Variants in L3MBTL2 observed in about 807,000 individuals in gnomAD.
L3MBTL2 encodes the protein L3MBTL histone methyl-lysine binding protein 2, also known as lethal(3)malignant brain tumor-like protein 2.
L3MBTL2 carries 49 observed loss-of-function variants against 86.4 expected under a neutral mutation model. The ratio of observed to expected loss-of-function variants is 0.57; its 90% CI spans 0.45 to 0.72. The LOEUF is 0.72. L3MBTL2 is among the 30% of genes least tolerant of loss of function. The pLI, the probability that L3MBTL2 is intolerant of heterozygous loss-of-function variation, is 0.00. For missense variants in L3MBTL2, 755 were observed against 923.7 expected (o/e 0.82, Z 2.37); for synonymous variants, 336 against 350.6 (o/e 0.96, Z 0.47).
intron 5 of L3MBTL2, chr22:41,219,207 C>T: frequency 2.1e-6 from 1 of 478,674 alleles, no homozygotes; most frequent in African/African-American, 2.0e-5. Flanking sequence ...CTAGCCATCA[C>T]CCTGCATCCC....
intron 3 of L3MBTL2, among the ~76,000 whole-genome samples, 193 bp from the exon 4 acceptor site, chr22:41,215,946 A>AC (rs2031321393): frequency 6.6e-6 from 1 of 151,374 alleles, no homozygotes. Flanking sequence ...ACCCCCTAGC[A>AC]CCCCCGACGC....
intron 15 of L3MBTL2, 155 bp from the exon 16 acceptor site, chr22:41,229,385 T>C: frequency 2.7e-6 from 2 of 736,738 alleles, no homozygotes. Flanking sequence ...ACATAGCCAA[T>C]AAGATGTGTT....
At chr22:41,216,974 T>A (rs1027140307) in intron 4 of L3MBTL2, 149 bp from the exon 5 acceptor site, 21 of 613,702 alleles carry the variant, frequency 3.4e-5, no homozygotes, top group Non-Finnish European at 5.8e-5. Context: ...GGTATGGGAG[T>A]GAAGGAGGGT....
At chr22:41,220,604 G>C (rs2031735134) in intron 6 of L3MBTL2, 130 bp from the exon 7 acceptor site, 22 of 916,314 alleles carry the variant, frequency 2.4e-5, no homozygotes, top group Non-Finnish European at 3.3e-5. Flanking sequence ...CTTGCAGTGA[G>C]CTGAGATGGC....
intron 15 of L3MBTL2, chr22:41,228,082 G>A: frequency 2.0e-6 from 2 of 985,406 alleles, no homozygotes; most frequent in Non-Finnish European, 2.4e-6. Flanking sequence ...CCATAAATAG[G>A]GAGTGTTCAG....
chr22:41,230,115 C>A (rs370692123), intron 16 of L3MBTL2, 24 bp from the exon 17 acceptor site: 2 of 1,250,328 alleles, frequency 1.6e-6, no homozygotes, highest in East Asian at 2.3e-5. Context: ...CTCGCCCACC[C>A]ACCCGCCTCC....
chr22:41,225,164 G>T lies in L3MBTL2; in HGVS notation c.1356+93G>T. ...TAACCCCACTCGCCACCGTCAGGGG[G>T]TCTGTGTCCCAGCCTCTCATCACTG... is the stretch of plus-strand genomic sequence containing the variant. On this transcript the variant is annotated intron_variant, in intron 11 of 16. Transcript: ENST00000216237. This position sits in a 1 kb window ranked among gnomAD's most constrained non-coding sequence, Gnocchi z 4.1. The T allele has an allele frequency of 7.1e-6, 7 of 981,100 alleles. No homozygotes were observed. Among genetic ancestry groups the T allele is most frequent in the South Asian group, 1.6e-5 (1 of 63,746 alleles). 60.8% of individuals were successfully genotyped at this position (981,100 alleles called of 1,614,324 possible). A position where few individuals can be genotyped will look rare whatever the true frequency, so the allele number is the denominator to read the frequency against.
At chr22:41,219,811 G>A (rs1166410084) in intron 6 of L3MBTL2, among the ~76,000 whole-genome samples, 1 of 152,068 alleles carries the variant, frequency 6.6e-6, no homozygotes, top group Non-Finnish European at 1.5e-5. Flanking sequence ...GCACGATCTC[G>A]GCTCACTGCA....
Position 41,221,205 on chromosome 22 carries a change from A to C in L3MBTL2, c.860A>C (p.His287Pro). The change falls in exon 8 of 17, where the codon CAT becomes CCT. Residue 287 changes from histidine to proline, a missense_variant. By Grantham distance (77) the His-to-Pro change is moderately conservative (BLOSUM62 -2). Transcript: ENST00000216237. ...TCTGCTGGTGCCTCCACAGCCATCC[A>C]TGCCAAGTTCACCGACTGGAAGGGC... is the stretch of plus-strand genomic sequence containing the variant. ...SKILVPPRTI[H>P]AKFTDWKGYL... 1 of 1,549,058 alleles carries C rather than the reference A, an allele frequency of 6.5e-7. No homozygotes were observed. The highest frequency in any genetic ancestry group is 8.7e-7 in the Non-Finnish European group (1 of 1,144,748).
At chr22:41,205,447 G>A (rs377145099) in intron 1 of L3MBTL2, 61 bp downstream of exon 1, 48 of 1,600,780 alleles carry the variant, frequency 3.0e-5, no homozygotes, top group Non-Finnish European at 3.8e-5. Flanking sequence ...CGCTCCGTGG[G>A]CCCTTCTTTA....
chr22:41,212,944 C>T (rs12169035), intron 2 of L3MBTL2, among the ~76,000 whole-genome samples: 61,772 of 150,992 alleles, frequency 0.41, 13,524 homozygotes, highest in African/African-American at 0.56. Context: ...TCTAGCTGGG[C>T]GCATTGGCTC....
chr22:41,209,682 T>C lies in L3MBTL2; in HGVS notation c.25-14T>C. On this transcript the variant is annotated splice_polypyrimidine_tract_variant and intron_variant, in intron 1 of 16. Transcript: ENST00000216237. ...CATAATTCTTTCTACCTGGTTTGTGTCATCCTCCATTAGGAGACCCCATCT... is the reference window on the plus strand; with the variant it reads ...CATAATTCTTTCTACCTGGTTTGTGCCATCCTCCATTAGGAGACCCCATCT... 1 of 1,611,240 alleles carries C rather than the reference T, an allele frequency of 6.2e-7. No homozygotes were observed. Among genetic ancestry groups the C allele is most frequent in the Non-Finnish European group, 8.5e-7 (1 of 1,177,450 alleles).
chr22:41,219,578 AG>A, intron 6 of L3MBTL2, 42 bp downstream of exon 6: 2 of 1,290,890 alleles, frequency 1.5e-6, no homozygotes, highest in Non-Finnish European at 2.3e-6. Context: ...GTGTCTGCAG[AG>A]TGACATCTCT....
At chr22:41,209,570 T>C (rs2030543833) in intron 1 of L3MBTL2, 126 bp from the exon 2 acceptor site, 2 of 733,564 alleles carry the variant, frequency 2.7e-6, no homozygotes, top group Non-Finnish European at 4.7e-6. Context: ...TCTTGGTGTT[T>C]GTAAAAGGGG....
chr22:41,227,389 G>T lies in L3MBTL2; in HGVS notation c.1822+66G>T. ...CCTCTTCTTTTTTCCTTCTTCCCCCGCCCCTGTGCCCATCTCCGTTCTTTG... is the reference window on the plus strand; with the variant it reads ...CCTCTTCTTTTTTCCTTCTTCCCCCTCCCCTGTGCCCATCTCCGTTCTTTG... On this transcript the variant is annotated intron_variant, in intron 14 of 16. Transcript: ENST00000216237. The surrounding 1 kb of genome is among the most constrained non-coding windows in gnomAD (Gnocchi z 6.0). 6 of 1,432,418 alleles carry T rather than the reference G, an allele frequency of 4.2e-6. No homozygotes were observed. The highest frequency in any genetic ancestry group is 5.8e-6 in the Non-Finnish European group (6 of 1,040,988). The allele number at this position is 1,432,418 out of a possible 1,614,324, so 88.7% of individuals were successfully genotyped here.
intron 3 of L3MBTL2, chr22:41,214,367 C>T (rs2031160323): frequency 5.9e-6 from 1 of 169,562 alleles, no homozygotes; most frequent in African/African-American, 2.4e-5. Flanking sequence ...GCCCAAGGTT[C>T]ACCAGCCACG....
In L3MBTL2 at chr22:41,215,714, G is replaced by GAACATTCGCCTATGTGGACCCTCTCCCA. The variant is rs2031295711; in HGVS notation, c.397-415_397-388dup. On this transcript the variant is annotated intron_variant, in intron 3 of 16. Transcript: ENST00000216237. The stretch of plus-strand genomic sequence containing the variant: ...CATTCGCCTATGTGGACCCTCTCCC[G>GAACATTCGCCTATGTGGACCCTCTCCCA]AACATTCGCCTATGTGGACCCTCTC... Among the ~76,000 whole-genome samples, 2 of 150,678 alleles carry GAACATTCGCCTATGTGGACCCTCTCCCA rather than the reference G, an allele frequency of 1.3e-5. 1 individual carries two copies. The highest frequency in any genetic ancestry group is 3.0e-5 in the Non-Finnish European group (2 of 67,498).
rs1383506131 is a variant in L3MBTL2 at position 41,212,993 on chromosome 22, G to A, written c.263-900G>A. On this transcript the variant is annotated intron_variant, in intron 2 of 16. Transcript: ENST00000216237. ...CAACACTTTGGGAGGCCGACACGGCGGATCACAAGGTCAGGAGATTGAGAC... is the reference window on the plus strand; with the variant it reads ...CAACACTTTGGGAGGCCGACACGGCAGATCACAAGGTCAGGAGATTGAGAC... Among the ~76,000 whole-genome samples the A allele has an allele frequency of 5.3e-5, 8 of 152,018 alleles. No individual in the cohort carries two copies. The South Asian group carries it at 1.0e-3, about 20-fold the overall frequency.
At chr22:41,210,117 T>C (rs1259247915) in intron 2 of L3MBTL2, 184 bp downstream of exon 2, 7 of 587,746 alleles carry the variant, frequency 1.2e-5, no homozygotes, top group Non-Finnish European at 1.9e-5. Flanking sequence ...GCCACTGTGT[T>C]AACTTCCTTT....
Sources: gnomAD v4.1 joint callset for allele counts (sites outside exome capture counted in the v4.1 genomes callset) on GRCh38, gnomAD v4.1.1 for gene constraint, Gnocchi (gnomAD v3.1) non-coding constraint, MANE v1.5 for transcripts, NCBI Gene and HGNC (gene_info 2026-07-23, HGNC 2026-07-21) for gene names.